The following PTPRK variants were observed in gnomAD, a reference collection of about 807,000 sequenced individuals.
PTPRK encodes protein tyrosine phosphatase receptor type K.
A neutral mutation model predicts 178.0 loss-of-function variants in PTPRK; 75 were observed. The observed-to-expected ratio is 0.42, with a 90% confidence interval of 0.35 to 0.51. The LOEUF (loss-of-function observed/expected upper bound fraction) is 0.51. PTPRK is among the 20% of genes least tolerant of loss of function. PTPRK has a pLI of 0.02. For missense variants in PTPRK, 1,441 were observed against 1,797.8 expected, an observed-to-expected ratio of 0.80 and a Z score of 3.59; for synonymous variants, 637 against 620.6, an observed-to-expected ratio of 1.03 and a Z score of -0.39.
intron 2 of PTPRK, among the ~76,000 whole-genome samples, chr6:128,367,131 T>C (rs1161340721): frequency 6.6e-6 from 1 of 152,142 alleles, no homozygotes; most frequent in Non-Finnish European, 1.5e-5. Flanking sequence ...AATAATCTAC[T>C]ACTCTGTTGA....
At chr6:128,096,887 A>C (rs1038553403) in intron 7 of PTPRK, among the ~76,000 whole-genome samples, 3 of 152,194 alleles carry the variant, frequency 2.0e-5, no homozygotes, top group Non-Finnish European at 4.4e-5. Flanking sequence ...AATAAAAGCA[A>C]AGAAAACAGT....
chr6:128,101,777 T>G (rs922217771), intron 7 of PTPRK, among the ~76,000 whole-genome samples: 11 of 152,148 alleles, frequency 7.2e-5, no homozygotes, highest in South Asian at 4.1e-4. Flanking sequence ...AATGTATTCA[T>G]CTGCTACCAA....
At chr6:128,296,069 C>T (rs1404962107) in intron 3 of PTPRK, among the ~76,000 whole-genome samples, 4 of 152,128 alleles carry the variant, frequency 2.6e-5, no homozygotes, top group South Asian at 4.2e-4. Context: ...GCAAGTCCTT[C>T]GAAGCAAAAC....
chr6:128,259,805 A>G (rs1054806295), intron 3 of PTPRK, among the ~76,000 whole-genome samples: 1 of 152,218 alleles, frequency 6.6e-6, no homozygotes, highest in Non-Finnish European at 1.5e-5. Flanking sequence ...AACTTAAAAC[A>G]TTCTTTCCTT....
intron 7 of PTPRK, among the ~76,000 whole-genome samples, chr6:128,117,046 G>A (rs1000815555): frequency 2.6e-5 from 4 of 151,798 alleles, no homozygotes; most frequent in African/African-American, 9.7e-5. Flanking sequence ...CTCGGGAGGC[G>A]GAGGCAGGAG....
At chr6:127,973,981 T>C (rs530714850) in intron 27 of PTPRK, among the ~76,000 whole-genome samples, 154 bp from the exon 28 acceptor site, 3 of 152,330 alleles carry the variant, frequency 2.0e-5, no homozygotes, top group Admixed American at 1.3e-4. Flanking sequence ...TAAAAAAACA[T>C]TCTAAGTGAC....
At chr6:128,329,382 AACACACACACACAC>A (rs149088868) in intron 2 of PTPRK, among the ~76,000 whole-genome samples, 2 of 145,616 alleles carry the variant, frequency 1.4e-5, no homozygotes, top group Non-Finnish European at 3.0e-5. Flanking sequence ...TATATAGATA[AACACACACACACAC>A]ACACACACAC....
At chr6:128,470,870 C>A (rs1011642934) in intron 1 of PTPRK, among the ~76,000 whole-genome samples, 2 of 145,324 alleles carry the variant, frequency 1.4e-5, no homozygotes, top group East Asian at 4.1e-4. Context: ...CTATAGTACA[C>A]ATTTTCACTG....
intron 3 of PTPRK, among the ~76,000 whole-genome samples, chr6:128,290,808 G>A (rs775106517): frequency 6.6e-6 from 1 of 152,020 alleles, no homozygotes; most frequent in African/African-American, 2.4e-5. Context: ...CAAAAACTAA[G>A]GGTGTAATAG....
intron 10 of PTPRK, among the ~76,000 whole-genome samples, chr6:128,079,480 A>G (rs1033431850): frequency 2.6e-5 from 4 of 152,114 alleles, no homozygotes; most frequent in Non-Finnish European, 5.9e-5. Context: ...CATCAGGGAC[A>G]TTAGTTGCCA....
At chr6:128,468,508 T>C (rs1192516099) in intron 1 of PTPRK, among the ~76,000 whole-genome samples, 1 of 152,184 alleles carries the variant, frequency 6.6e-6, no homozygotes, top group Non-Finnish European at 1.5e-5. Flanking sequence ...TTGCCTCTAC[T>C]TGGACTTTTT....
intron 7 of PTPRK, among the ~76,000 whole-genome samples, chr6:128,169,659 C>T (rs1010396493): frequency 2.6e-5 from 4 of 151,876 alleles, no homozygotes; most frequent in South Asian, 2.1e-4. Context: ...TGGATTAAGA[C>T]GTTACACAAA....
At chr6:128,473,886 G>T (rs1223399448) in intron 1 of PTPRK, among the ~76,000 whole-genome samples, 2 of 151,970 alleles carry the variant, frequency 1.3e-5, no homozygotes, top group African/African-American at 2.4e-5. Flanking sequence ...AATAAACAAA[G>T]TAGAAAACAA....
chr6:128,028,107 G>A (rs995237646), intron 13 of PTPRK, among the ~76,000 whole-genome samples: 1 of 152,102 alleles, frequency 6.6e-6, no homozygotes, highest in South Asian at 2.1e-4. Context: ...TGAAAATGAC[G>A]AATATAAATT....
chr6:128,364,386 G>A (rs565142029), intron 2 of PTPRK, among the ~76,000 whole-genome samples: 3 of 151,820 alleles, frequency 2.0e-5, no homozygotes, highest in South Asian at 2.1e-4. Flanking sequence ...ACCTAAACTT[G>A]CCAGTTAGTT....
intron 3 of PTPRK, among the ~76,000 whole-genome samples, chr6:128,304,985 T>A (rs1469547634): frequency 3.3e-5 from 5 of 152,200 alleles, no homozygotes; most frequent in Admixed American, 3.3e-4. Context: ...GGCATGCCTA[T>A]TTTGTTACTT....
chr6:128,142,452 G>A (rs1795906128), intron 7 of PTPRK, among the ~76,000 whole-genome samples: 4 of 151,486 alleles, frequency 2.6e-5, no homozygotes. Context: ...GTCAAACATT[G>A]GAAGCACCGT....
chr6:127,980,039 G>A (rs1324640755), intron 25 of PTPRK, among the ~76,000 whole-genome samples: 1 of 152,100 alleles, frequency 6.6e-6, no homozygotes, highest in Non-Finnish European at 1.5e-5. Flanking sequence ...GGCCCGGCAC[G>A]GTGGCTTACG....
intron 3 of PTPRK, among the ~76,000 whole-genome samples, chr6:128,311,335 A>G (rs1393753392): frequency 6.6e-6 from 1 of 152,164 alleles, no homozygotes; most frequent in Non-Finnish European, 1.5e-5. Flanking sequence ...ATTCAGTCAT[A>G]AGATTGACTT....
Sources: allele counts gnomAD v4.1 joint callset (sites outside exome capture counted in the v4.1 genomes callset), GRCh38; gene constraint gnomAD v4.1.1; transcripts MANE v1.5; gene names NCBI Gene and HGNC (gene_info 2026-07-23, HGNC 2026-07-21).